NBN: variants seen among roughly 807,000 people sequenced by gnomAD.
NBN encodes the protein Nijmegen breakage syndrome 1 (nibrin).
In NBN, 88 loss-of-function variants were observed where a neutral mutation model predicts 90.8. The observed-to-expected ratio is 0.97, with a 90% CI of 0.82 to 1.16. NBN has a LOEUF of 1.16. Ranked by LOEUF, NBN falls within the 50% of genes most tolerant of loss-of-function variation. The pLI is 0.00. For synonymous variants in NBN, 328 were observed against 295.1 expected, an observed-to-expected ratio of 1.11 and a Z score of -1.14; for missense variants, 894 against 869.6, an observed-to-expected ratio of 1.03 and a Z score of -0.35.
intron 10 of NBN, among the ~76,000 whole-genome samples, chr8:89,954,305 G>A (rs1205053974): frequency 1.3e-5 from 2 of 152,120 alleles, no homozygotes. Context: ...TTGGATTCAT[G>A]TTGAACAAGA....
intron 9 of NBN, among the ~76,000 whole-genome samples, chr8:89,955,795 T>C (rs986253339): frequency 6.6e-6 from 1 of 152,098 alleles, no homozygotes; most frequent in African/African-American, 2.4e-5. Flanking sequence ...TGCTCCACTA[T>C]AGACGACTGA....
chr8:89,944,734 T>C (rs1228327485), intron 13 of NBN, among the ~76,000 whole-genome samples: 1 of 152,074 alleles, frequency 6.6e-6, no homozygotes, highest in Non-Finnish European at 1.5e-5. Flanking sequence ...GACATCACCA[T>C]GCCTAGCTAA....
At position 89,978,015 on chromosome 8, in the gene NBN, T is replaced by C. The variant is rs558298089; in HGVS notation, c.584+205A>G. Among the ~76,000 whole-genome samples, 18 of 152,360 alleles carry C rather than the reference T, an allele frequency of 1.2e-4. No homozygotes were observed. The South Asian group carries it at 2.9e-3, about 25-fold the overall frequency. On this transcript the variant is annotated intron_variant, in intron 5 of 15. Transcript: ENST00000265433. The stretch of plus-strand genomic sequence containing the variant: ...TAAATATTAGCACATATTTAACATT[T>C]GTTTCAGAGATACAGAATAACCAAC...
At chr8:89,961,877 T>C (rs1811007405) in intron 8 of NBN, among the ~76,000 whole-genome samples, 1 of 152,170 alleles carries the variant, frequency 6.6e-6, no homozygotes, top group South Asian at 2.1e-4. Flanking sequence ...CAATTACTAA[T>C]ACAACCAGCA....
chr8:89,959,646 C>A (rs1438033547), intron 8 of NBN, among the ~76,000 whole-genome samples: 1 of 151,942 alleles, frequency 6.6e-6, no homozygotes, highest in African/African-American at 2.4e-5. Flanking sequence ...CCAAGCTACT[C>A]AGGAGGCTAA....
intron 15 of NBN, 87 bp downstream of exon 15, chr8:89,936,939 A>G: frequency 9.3e-7 from 1 of 1,073,626 alleles, no homozygotes. Flanking sequence ...ATGAGGACAG[A>G]AGAAACAAAT....
At chr8:89,959,861 T>C (rs1032694380) in intron 8 of NBN, among the ~76,000 whole-genome samples, 6 of 152,236 alleles carry the variant, frequency 3.9e-5, no homozygotes, top group African/African-American at 1.4e-4. Context: ...AGAATAATTA[T>C]AACATCTGCC....
intron 9 of NBN, 90 bp downstream of exon 9, chr8:89,958,635 A>C: frequency 1.4e-6 from 2 of 1,433,946 alleles, no homozygotes; most frequent in Admixed American, 3.4e-5. Flanking sequence ...CTCTCTCAAG[A>C]GACAACCTGA....
At chr8:89,951,541 C>T (rs1199619541) in intron 11 of NBN, among the ~76,000 whole-genome samples, 1 of 152,034 alleles carries the variant, frequency 6.6e-6, no homozygotes, top group Non-Finnish European at 1.5e-5. Context: ...CAATGTAAAT[C>T]CATAATACCA....
chr8:89,980,829 T>C lies in NBN; in HGVS notation c.385A>G (p.Asn129Asp), dbSNP rs1060503477. 6.2e-7 allele frequency: 1 copy of C among 1,612,594 alleles called. No individual in the cohort carries two copies. Among genetic ancestry groups the C allele is most frequent in the Non-Finnish European group, 8.5e-7 (1 of 1,178,852 alleles). The change falls in exon 4 of 16, where the codon AAT becomes GAT. Residue 129 changes from asparagine to aspartate, a missense_variant. Asn to Asp is a conservative substitution (Grantham distance 23). Transcript: ENST00000265433. ...CLDVSGKTAL[N>D]QAILQLGGFT... is the part of the protein sequence containing the mutation. The stretch of plus-strand genomic sequence containing the variant: ...CCTCCAAGTTGCAATATAGCTTGAT[T>C]TAAAGCAGTTTTCCCAGAGACATCT...
At chr8:89,964,756 A>T (rs1327766851) in intron 7 of NBN, among the ~76,000 whole-genome samples, 2 of 152,188 alleles carry the variant, frequency 1.3e-5, no homozygotes, top group African/African-American at 2.4e-5. Context: ...AGATCTTCCC[A>T]GTTCTAAAAT....
chr8:89,984,242 C>T, intron 1 of NBN: 1 of 548,548 alleles, frequency 1.8e-6, no homozygotes, highest in Admixed American at 3.2e-5. Context: ...TGCAACGGCG[C>T]GGGGGTGAGG....
intron 5 of NBN, 143 bp from the exon 6 acceptor site, chr8:89,971,433 G>A: frequency 4.0e-6 from 4 of 992,446 alleles, no homozygotes; most frequent in South Asian, 2.0e-5. Context: ...ATTTTATCTG[G>A]GACAAAATGA....
rs1028323011 is a variant in NBN, at chr8:89,946,063, T to C, written c.2070+77A>G. 8 of 1,160,462 alleles carry C rather than the reference T, an allele frequency of 6.9e-6. No homozygotes were observed. In the Admixed American group the frequency reaches 7.4e-5, roughly 11 times the overall value. 71.9% of individuals were successfully genotyped at this position (1,160,462 alleles called of 1,614,324 possible). A position where few individuals can be genotyped will look rare whatever the true frequency, so the allele number is the denominator to read the frequency against. On this transcript the variant is annotated intron_variant, in intron 13 of 15. Coordinates refer to ENST00000265433, the MANE Select transcript of NBN (RefSeq NM_002485.5). ...ATCAGTTTTCAACATAAACTGCTTT[T>C]ATCTTTGTTTAGCATCACTGGTATC...
chr8:89,968,503 G>C (rs924875604), intron 7 of NBN, among the ~76,000 whole-genome samples: 2 of 152,138 alleles, frequency 1.3e-5, no homozygotes, highest in East Asian at 3.8e-4. Flanking sequence ...CATCTGCACA[G>C]TGAGGACCAC....
At chr8:89,959,521 G>A (rs1023936280) in intron 8 of NBN, among the ~76,000 whole-genome samples, 2 of 152,172 alleles carry the variant, frequency 1.3e-5, no homozygotes, top group Non-Finnish European at 2.9e-5. Flanking sequence ...GGAAGGCTGA[G>A]GCAGGAGGAT....
chr8:89,944,644 C>G (rs1314268146), intron 13 of NBN, among the ~76,000 whole-genome samples: 1 of 152,166 alleles, frequency 6.6e-6, no homozygotes, highest in Non-Finnish European at 1.5e-5. Context: ...GTGGTGTAAT[C>G]TTGGCTCACT....
chr8:89,971,407 T>A, intron 5 of NBN, 117 bp from the exon 6 acceptor site: 2 of 1,147,680 alleles, frequency 1.7e-6, no homozygotes, highest in Non-Finnish European at 2.3e-6. Context: ...CTTTATAGTA[T>A]TTTTTTTAAG....
At chr8:89,969,481 T>C (rs796528465) in intron 7 of NBN, among the ~76,000 whole-genome samples, 5 of 152,304 alleles carry the variant, frequency 3.3e-5, no homozygotes, top group African/African-American at 1.2e-4. Context: ...ACATATTCTG[T>C]AAAAAAACTT....
Sources: gnomAD v4.1 joint callset for allele counts (sites outside exome capture counted in the v4.1 genomes callset) on GRCh38, gnomAD v4.1.1 for gene constraint, MANE v1.5 for transcripts, NCBI Gene and HGNC (gene_info 2026-07-23, HGNC 2026-07-21) for gene names.